Variants in DDC observed in about 807,000 individuals in gnomAD.
DDC encodes dopa decarboxylase.
DDC carries 43 observed loss-of-function variants against 60.0 expected under a neutral mutation model. The ratio of observed to expected loss-of-function variants is 0.72; its 90% CI spans 0.56 to 0.92. DDC has a LOEUF of 0.92. Among genes scored for constraint, DDC ranks in the 40% least tolerant of loss-of-function variants. The probability of loss-of-function intolerance (pLI) is 0.00; values close to 1 mark genes in which losing one functional copy is unlikely to be tolerated. For missense variants in DDC, 573 were observed against 620.2 expected (o/e 0.92, Z 0.81); for synonymous variants, 232 against 234.6 (o/e 0.99, Z 0.10).
At position 50,518,041 on chromosome 7, in the gene DDC, C is replaced by G. The variant is rs1197048873; in HGVS notation, c.714+10096G>C. Among the ~76,000 whole-genome samples, 3 of 151,616 alleles carry G rather than the reference C, an allele frequency of 2.0e-5. No individual in the cohort carries two copies. In the South Asian group the frequency reaches 6.3e-4, roughly 32 times the overall value. ...TGGCGAACATGGTGAAACCCCATCT[C>G]TACTAAAAAATACAAAAAAATTAGC... On this transcript the variant is annotated intron_variant, in intron 6 of 14. Transcript: ENST00000444124.
At chr7:50,503,605 A>G (rs2043309400) in intron 7 of DDC, among the ~76,000 whole-genome samples, 1 of 152,370 alleles carries the variant, frequency 6.6e-6, no homozygotes, top group African/African-American at 2.4e-5. Context: ...GGATATACCA[A>G]AGAATTAAAT....
In DDC at chr7:50,459,606, G is replaced by A. The variant is rs1418827876; in HGVS notation, c.*19-763C>T. The A allele has an allele frequency of 8.7e-5, 15 of 172,448 alleles. No individual in the cohort carries two copies. In the East Asian group the frequency reaches 8.9e-4, roughly 10 times the overall value. 10.7% of individuals were successfully genotyped at this position (172,448 alleles called of 1,614,324 possible). A position where few individuals can be genotyped will look rare whatever the true frequency, so the allele number is the denominator to read the frequency against. On this transcript the variant is annotated intron_variant, in intron 14 of 14. Coordinates refer to ENST00000444124, the MANE Select transcript of DDC (RefSeq NM_001082971.2). ...GAGATGTGGGGAGCGCCTCTGCCCC[G>A]CCGCCCCGTCTGGGATGTGAGGAGC... is the stretch of plus-strand genomic sequence containing the variant.
chr7:50,489,733 T>A lies in DDC; in HGVS notation c.944+5617A>T, dbSNP rs184699553. 2.1e-3 allele frequency among the ~76,000 whole-genome samples: 320 copies of A among 152,318 alleles called. 1 individual carries two copies. The highest frequency in any genetic ancestry group is 7.4e-3 in the African/African-American group (306 of 41,576). The stretch of plus-strand genomic sequence containing the variant: ...GCTAATATTGACAGATAAAATTAGC[T>A]TAGTTTCTCTATAAATTAAACACTA... On this transcript the variant is annotated intron_variant, in intron 9 of 14. Coordinates refer to ENST00000444124, the MANE Select transcript of DDC (RefSeq NM_001082971.2).
At chr7:50,526,671 T>A (rs2044045280) in intron 6 of DDC, among the ~76,000 whole-genome samples, 1 of 152,336 alleles carries the variant, frequency 6.6e-6, no homozygotes, top group Admixed American at 6.5e-5. Context: ...ATCGTCACAC[T>A]GGATTTTAAA....
intron 1 of DDC, among the ~76,000 whole-genome samples, chr7:50,562,221 G>A (rs2045357069): frequency 6.6e-6 from 1 of 152,186 alleles, no homozygotes; most frequent in African/African-American, 2.4e-5. Flanking sequence ...GCAGGGCGGG[G>A]ACCTGGCAGG....
intron 10 of DDC, among the ~76,000 whole-genome samples, chr7:50,477,937 C>T (rs1585153883): frequency 6.6e-6 from 1 of 152,008 alleles, no homozygotes; most frequent in Non-Finnish European, 1.5e-5. Flanking sequence ...CGTGGTGGCT[C>T]ACACCTGTAA....
intron 9 of DDC, among the ~76,000 whole-genome samples, chr7:50,488,400 A>T (rs2042930343): frequency 6.6e-6 from 1 of 152,024 alleles, no homozygotes; most frequent in African/African-American, 2.4e-5. Context: ...AACAGTAAAT[A>T]AAAGAGATGC....
chr7:50,501,853 C>T (rs1361887678), intron 7 of DDC, among the ~76,000 whole-genome samples: 1 of 152,144 alleles, frequency 6.6e-6, no homozygotes, highest in Admixed American at 6.5e-5. Flanking sequence ...GCGGGCATAT[C>T]ATCTGAGGTC....
chr7:50,477,613 TTGGTATC>T (rs2042675478), intron 10 of DDC: 5 of 450,636 alleles, frequency 1.1e-5, no homozygotes, highest in Admixed American at 4.8e-5. Flanking sequence ...AAGTCACCAC[TTGGTATC>T]ATTCCCTAAT....
At chr7:50,503,869 G>A in intron 7 of DDC, 124 bp downstream of exon 7, 1 of 793,830 alleles carries the variant, frequency 1.3e-6, no homozygotes. Flanking sequence ...GCAAATACGA[G>A]AAGAGCTGGG....
chr7:50,522,425 T>C (rs982977202), intron 6 of DDC, among the ~76,000 whole-genome samples: 1 of 152,228 alleles, frequency 6.6e-6, no homozygotes, highest in Non-Finnish European at 1.5e-5. Flanking sequence ...CTGATTCTAA[T>C]GCTTATATGA....
chr7:50,477,331 A>G (rs781685068), intron 10 of DDC, among the ~76,000 whole-genome samples: 4 of 152,230 alleles, frequency 2.6e-5, no homozygotes, highest in African/African-American at 7.2e-5. Context: ...TGCACAAGAC[A>G]TCAGGTGAGG....
At chr7:50,558,276 C>T (rs1011110825) in intron 1 of DDC, among the ~76,000 whole-genome samples, 10 of 152,056 alleles carry the variant, frequency 6.6e-5, no homozygotes, top group African/African-American at 1.7e-4. Flanking sequence ...CCTGGTTTAC[C>T]GTCTATTACA....
At position 50,463,263 on chromosome 7, in the gene DDC, C is replaced by T; in HGVS notation, c.1411G>A (p.Ala471Thr). 6.2e-7 allele frequency: 1 copy of T among 1,614,070 alleles called. No individual in the cohort carries two copies. The highest frequency in any genetic ancestry group is 8.5e-7 in the Non-Finnish European group (1 of 1,179,954). ...QRAWEHIKEL[A>T]ADVLRAERE The stretch of plus-strand genomic sequence containing the variant: ...CTCTCTGCTCGCAGCACGTCGGCCG[C>T]CAGCTCTTTGATGTGTTCCCAGGCC... The change falls in exon 14 of 15, where the codon GCG becomes ACG. Residue 471 changes from alanine (A) to threonine (T), a missense_variant. Ala to Thr is a moderately conservative substitution (Grantham distance 58, BLOSUM62 0). Coordinates refer to ENST00000444124, the MANE Select transcript of DDC (RefSeq NM_001082971.2).
At chr7:50,536,544 G>C (rs1036990573) in intron 4 of DDC, among the ~76,000 whole-genome samples, 3 of 152,188 alleles carry the variant, frequency 2.0e-5, no homozygotes, top group Non-Finnish European at 4.4e-5. Flanking sequence ...AAGGAATTTT[G>C]GAAGCCTCTA....
intron 7 of DDC, among the ~76,000 whole-genome samples, chr7:50,499,545 C>T (rs2043202979): frequency 6.6e-6 from 1 of 152,164 alleles, no homozygotes; most frequent in African/African-American, 2.4e-5. Context: ...TCATGTTACT[C>T]ACCTGCATTT....
chr7:50,546,758 T>C (rs1249715815), intron 1 of DDC, among the ~76,000 whole-genome samples: 4 of 152,248 alleles, frequency 2.6e-5, no homozygotes, highest in Non-Finnish European at 4.4e-5. Context: ...TGTTTGAGGA[T>C]GCATTTCTCA....
At chr7:50,564,050 G>A (rs2045388460) in intron 1 of DDC, 1 of 152,190 alleles carries the variant, frequency 6.6e-6, no homozygotes, top group Non-Finnish European at 1.5e-5. Context: ...GTGGCGTGAA[G>A]CTCAGGGGTG....
chr7:50,471,337 G>A (rs1319580444), intron 11 of DDC, among the ~76,000 whole-genome samples: 3 of 152,296 alleles, frequency 2.0e-5, no homozygotes, highest in Middle Eastern at 3.4e-3. Flanking sequence ...CCAAGATGGC[G>A]CTATTGCACT....
Sources: allele counts gnomAD v4.1 joint callset (sites outside exome capture counted in the v4.1 genomes callset), GRCh38; gene constraint gnomAD v4.1.1; transcripts MANE v1.5; gene names NCBI Gene and HGNC (gene_info 2026-07-23, HGNC 2026-07-21).